MPDZ: variants seen among roughly 807,000 people sequenced by gnomAD.
The protein encoded by MPDZ is multiple PDZ domain protein.
Under a neutral mutation model 239.1 loss-of-function variants are expected in MPDZ, and 234 were observed. The observed-to-expected ratio is 0.98, with a 90% confidence interval of 0.88 to 1.09. The LOEUF is 1.09. Among genes scored for constraint, MPDZ ranks in the 50% least tolerant of loss-of-function variants. The pLI, the probability that MPDZ is intolerant of heterozygous loss-of-function variation, is 0.00. For missense variants in MPDZ, 3,175 were observed against 2,510.0 expected (o/e 1.26, Z -5.66); for synonymous variants, 1,048 against 881.3 (o/e 1.19, Z -3.35).
chr9:13,204,833 A>C (rs1404699566), intron 12 of MPDZ, among the ~76,000 whole-genome samples: 1 of 152,178 alleles, frequency 6.6e-6, no homozygotes, highest in Non-Finnish European at 1.5e-5. Context: ...CGATAAACAA[A>C]AGTATAATTT....
chr9:13,246,796 C>G (rs1201502644), intron 3 of MPDZ, among the ~76,000 whole-genome samples: 4 of 152,054 alleles, frequency 2.6e-5, no homozygotes, highest in African/African-American at 9.7e-5. Flanking sequence ...TATTTGCTAG[C>G]AAGTCATCTA....
intron 25 of MPDZ, among the ~76,000 whole-genome samples, chr9:13,148,631 C>A (rs1948743754): frequency 6.6e-6 from 1 of 151,956 alleles, no homozygotes; most frequent in African/African-American, 2.4e-5. Flanking sequence ...TCAGTATTCA[C>A]ATCTACCATA....
chr9:13,187,559 C>T (rs1022083152), intron 17 of MPDZ, among the ~76,000 whole-genome samples: 6 of 152,078 alleles, frequency 3.9e-5, no homozygotes, highest in South Asian at 2.1e-4. Context: ...TTCAATCATC[C>T]TGCCCTCCTC....
intron 27 of MPDZ, among the ~76,000 whole-genome samples, chr9:13,142,854 TC>T (rs1309384562): frequency 6.6e-6 from 1 of 152,146 alleles, no homozygotes; most frequent in Non-Finnish European, 1.5e-5. Flanking sequence ...CTTTTCATGA[TC>T]AAATTATGGT....
At position 13,247,673 on chromosome 9, in the gene MPDZ, G is replaced by C. The variant is rs144481155; in HGVS notation, c.145C>G (p.Leu49Val). The stretch of plus-strand genomic sequence containing the variant: ...TGCTGTACAGAAGTCTGAAGGCTCA[G>C]AATCTGACTGAAGAGAGGGCTCTGC... ...VLQSPLFSQI[L>V]SLQTSVQQLK... Residue 49 changes from leucine to valine, a missense_variant, in exon 3 of 47, where the codon CTG becomes GTG. Leu to Val is a conservative substitution (Grantham distance 32). Coordinates refer to ENST00000319217, the MANE Select transcript of MPDZ (RefSeq NM_001378778.1). 2.2e-5 allele frequency: 36 copies of C among 1,613,534 alleles called. No individual in the cohort carries two copies. In the African/African-American group the frequency reaches 4.5e-4, roughly 20 times the overall value.
In MPDZ at chr9:13,176,168, G is replaced by A. The variant is rs1293078264; in HGVS notation, c.2899C>T (p.Leu967Phe). 1 of 1,602,744 alleles carries A rather than the reference G, an allele frequency of 6.2e-7. No individual in the cohort carries two copies. Among genetic ancestry groups the A allele is most frequent in the African/African-American group, 1.3e-5 (1 of 74,938 alleles). ...GCTGAATCGGGTAGCACAGAAGGAAGTTCTGCACTTGATATAACTTCACTT... is the reference window on the plus strand; with the variant it reads ...GCTGAATCGGGTAGCACAGAAGGAAATTCTGCACTTGATATAACTTCACTT... ...LPSEVISSAE[L>F]PSVLPDSAGK... The change falls in exon 20 of 47, where the codon CTT (leucine) becomes TTT (phenylalanine). Residue 967 changes from leucine to phenylalanine, a missense_variant. Transcript: ENST00000319217.
intron 1 of MPDZ, among the ~76,000 whole-genome samples, chr9:13,252,342 C>G (rs1394773807): frequency 6.7e-6 from 1 of 150,366 alleles, no homozygotes; most frequent in Non-Finnish European, 1.5e-5. Context: ...CCGAGGTGGG[C>G]GGATCACGAG....
intron 3 of MPDZ, among the ~76,000 whole-genome samples, chr9:13,228,323 A>C (rs1010783592): frequency 6.6e-5 from 10 of 152,114 alleles, no homozygotes; most frequent in African/African-American, 2.4e-4. Context: ...TACCTAAAAC[A>C]TAACCTAAAT....
chr9:13,120,563 A>G (rs1227949290), intron 38 of MPDZ: 1 of 152,222 alleles, frequency 6.6e-6, no homozygotes, highest in Non-Finnish European at 1.5e-5. Context: ...GTATTCCAAA[A>G]AAAGTCTATT....
chr9:13,279,269 A>ACCCCCACCCCCGCCCCCC (rs1975062708), intron 1 of MPDZ, 131 bp downstream of exon 1: 1 of 29,694 alleles, frequency 3.4e-5, no homozygotes, highest in African/African-American at 1.1e-4. Flanking sequence ...CCCCACCCCC[A>ACCCCCACCCCCGCCCCCC]CCCCCATCCC....
intron 21 of MPDZ, among the ~76,000 whole-genome samples, chr9:13,170,655 T>C (rs931049778): frequency 1.3e-5 from 2 of 152,174 alleles, no homozygotes; most frequent in African/African-American, 4.8e-5. Context: ...TACCATCTTG[T>C]TCTTATTAGC....
intron 3 of MPDZ, among the ~76,000 whole-genome samples, chr9:13,236,521 C>A (rs748455498): frequency 2.5e-4 from 38 of 150,862 alleles, no homozygotes; most frequent in Non-Finnish European, 4.7e-4. Flanking sequence ...CCTCAGGTGA[C>A]CCGCCCACCT....
chr9:13,220,264 G>A (rs1958931184), intron 7 of MPDZ, among the ~76,000 whole-genome samples: 1 of 151,938 alleles, frequency 6.6e-6, no homozygotes, highest in South Asian at 2.1e-4. Flanking sequence ...TACTTGTGAA[G>A]TGAAAATTCA....
intron 22 of MPDZ, among the ~76,000 whole-genome samples, chr9:13,163,665 A>G (rs1219149065): frequency 6.6e-6 from 1 of 152,302 alleles, no homozygotes; most frequent in East Asian, 1.9e-4. Flanking sequence ...ACTGTATCTG[A>G]ACTCAATACA....
rs1563878148 is a variant in MPDZ, at chr9:13,136,810, GAAAT to G, written c.4201-11_4201-8del. The stretch of plus-strand genomic sequence containing the variant: ...ATAAAATCTGACCATTGATCTGTGA[GAAAT>G]AAATATCATTAGTTGGGCCTGAAAT... On this transcript the variant is annotated splice_region_variant and splice_polypyrimidine_tract_variant and intron_variant, in intron 29 of 46. Coordinates refer to ENST00000319217, the MANE Select transcript of MPDZ (RefSeq NM_001378778.1). 1 of 1,551,274 alleles carries G rather than the reference GAAAT, an allele frequency of 6.4e-7. No homozygotes were observed. The highest frequency in any genetic ancestry group is 8.8e-7 in the Non-Finnish European group (1 of 1,135,180).
chr9:13,140,762 C>T (rs577085344), intron 27 of MPDZ: 1 of 151,808 alleles, frequency 6.6e-6, no homozygotes, highest in African/African-American at 2.4e-5. Context: ...TGCCAAGAAA[C>T]TGCAGAAAAA....
At chr9:13,249,071 T>A (rs1295104716) in intron 2 of MPDZ, among the ~76,000 whole-genome samples, 1 of 134,226 alleles carries the variant, frequency 7.5e-6, no homozygotes, top group African/African-American at 2.8e-5. Flanking sequence ...AGAAAGAGGG[T>A]AATTAAAATA....
Position 13,206,002 on chromosome 9 carries a change from C to T in MPDZ, c.1388G>A (p.Gly463Glu). ...QTVLLTLMRRGMKQEAELMSR... is the reference protein window; with the variant it reads ...QTVLLTLMRREMKQEAELMSR... ...CATGAGCTCGGCTTCCTGCTTCATT[C>T]CTCTCCTCATTAGTGTCAGGAGCAC... Residue 463 changes from glycine to glutamate, a missense_variant, in exon 11 of 47, where the codon GGA becomes GAA. Coordinates refer to ENST00000319217, the MANE Select transcript of MPDZ (RefSeq NM_001378778.1). 6.2e-7 allele frequency: 1 copy of T among 1,612,502 alleles called. No individual in the cohort carries two copies. Among genetic ancestry groups the T allele is most frequent in the Non-Finnish European group, 8.5e-7 (1 of 1,179,344 alleles).
intron 1 of MPDZ, among the ~76,000 whole-genome samples, chr9:13,252,995 CAT>C (rs1252892818): frequency 3.3e-5 from 5 of 152,038 alleles, no homozygotes; most frequent in Non-Finnish European, 5.9e-5. Context: ...TAAAATTATA[CAT>C]GTGTTTGGTA....
Sources: gnomAD v4.1 joint callset for allele counts (sites outside exome capture counted in the v4.1 genomes callset) on GRCh38, gnomAD v4.1.1 for gene constraint, MANE v1.5 for transcripts, NCBI Gene and HGNC (gene_info 2026-07-23, HGNC 2026-07-21) for gene names.